Variants in LAMA2 observed in about 807,000 individuals in gnomAD.
LAMA2 encodes the protein laminin subunit alpha 2, also known as laminin subunit alpha-2.
In LAMA2, 269 loss-of-function variants were observed where a neutral mutation model predicts 364.8. The ratio of observed to expected loss-of-function variants is 0.74; its 90% CI spans 0.67 to 0.82. The LOEUF is 0.82. LAMA2 is among the 40% of genes least tolerant of loss of function. LAMA2 has a pLI of 0.00. For missense variants in LAMA2, 3,807 were observed against 3,873.2 expected (o/e 0.98, Z 0.45); for synonymous variants, 1,379 against 1,370.6 (o/e 1.01, Z -0.14).
At chr6:129,226,908 A>G (rs1784334045) in intron 12 of LAMA2, among the ~76,000 whole-genome samples, 1 of 152,264 alleles carries the variant, frequency 6.6e-6, no homozygotes, top group African/African-American at 2.4e-5. Flanking sequence ...GTTCTCCTGG[A>G]TAATATCCTG....
chr6:129,508,508 C>G (rs1786296256), intron 62 of LAMA2, among the ~76,000 whole-genome samples: 1 of 151,996 alleles, frequency 6.6e-6, no homozygotes, highest in Admixed American at 6.6e-5. Context: ...CCCTACTCCT[C>G]CCTGCCACTA....
At chr6:129,471,529 C>T (rs995399987) in intron 51 of LAMA2, among the ~76,000 whole-genome samples, 1 of 151,850 alleles carries the variant, frequency 6.6e-6, no homozygotes, top group African/African-American at 2.4e-5. Context: ...TTAAAATACC[C>T]ACCAAGTCTG....
Position 129,143,943 on chromosome 6 carries a change from C to T in LAMA2, c.682C>T (p.Pro228Ser). 2 of 1,611,382 alleles carry T rather than the reference C, an allele frequency of 1.2e-6. No homozygotes were observed. The highest frequency in any genetic ancestry group is 1.7e-6 in the Non-Finnish European group (2 of 1,178,010). ...LINGRPSADD[P>S]SPELLEFTSA... Reference sequence around the variant, plus strand: ...CAATGGGAGACCAAGTGCCGATGATCCTTCTCCAGAACTGCTAGAATTTAC... The same window carrying T: ...CAATGGGAGACCAAGTGCCGATGATTCTTCTCCAGAACTGCTAGAATTTAC... Residue 228 changes from proline to serine, a missense_variant, in exon 5 of 65, where the codon CCT becomes TCT. Physicochemically the swap from Pro to Ser is moderately conservative, Grantham distance 74 (BLOSUM62 -1). This residue lies in a region of LAMA2 where 394 missense variants were observed against 403.5 expected (regional missense o/e 0.98). Coordinates refer to ENST00000421865, the MANE Select transcript of LAMA2 (RefSeq NM_000426.4).
At chr6:128,987,245 G>A (rs1783318125) in intron 1 of LAMA2, among the ~76,000 whole-genome samples, 1 of 149,078 alleles carries the variant, frequency 6.7e-6, no homozygotes, top group Non-Finnish European at 1.5e-5. Flanking sequence ...GTTCAAGTGA[G>A]TCTTCTGCTT....
intron 1 of LAMA2, among the ~76,000 whole-genome samples, chr6:128,935,211 C>T (rs1490233658): frequency 6.6e-6 from 1 of 151,434 alleles, no homozygotes; most frequent in Non-Finnish European, 1.5e-5. Flanking sequence ...TATCCCTCCC[C>T]CAGCCCCACA....
intron 50 of LAMA2, 86 bp from the exon 51 acceptor site, chr6:129,465,059 C>A (rs925282019): frequency 2.8e-6 from 3 of 1,088,952 alleles, no homozygotes; most frequent in Admixed American, 1.7e-5. Flanking sequence ...AGCCACAAGA[C>A]CCTAACATAA....
chr6:129,191,146 A>C (rs1781502038), intron 11 of LAMA2, among the ~76,000 whole-genome samples: 1 of 152,198 alleles, frequency 6.6e-6, no homozygotes, highest in Non-Finnish European at 1.5e-5. Flanking sequence ...ATATACTAAG[A>C]ATTTGAGATA....
chr6:129,065,425 G>A (rs1789226469), intron 3 of LAMA2, among the ~76,000 whole-genome samples: 1 of 152,122 alleles, frequency 6.6e-6, no homozygotes, highest in African/African-American at 2.4e-5. Context: ...GGCAAAAAAA[G>A]AAATAAAATT....
At position 129,050,055 on chromosome 6, in the gene LAMA2, C is replaced by T. The variant is rs868019991; in HGVS notation, c.250C>T (p.Arg84Ter). Residue 84 changes from arginine (R) to a stop codon, truncating the protein, a stop_gained, in exon 2 of 65, where the codon CGA becomes TGA. Coordinates refer to ENST00000421865, the MANE Select transcript of LAMA2 (RefSeq NM_000426.4). LOFTEE classifies it high-confidence loss of function. ...PGQPVRNPQC[R>*]ICNQNSSNPN... is the part of the protein sequence containing the mutation. ...GCAGCCTGTGAGGAACCCGCAGTGT[C>T]GAATCTGCAATCAAAACAGCAGCAA... 7 of 1,613,936 alleles carry T rather than the reference C, an allele frequency of 4.3e-6. No individual in the cohort carries two copies. The South Asian group carries it at 4.4e-5, about 10-fold the overall frequency.
At chr6:129,493,706 G>A (rs542714107) in intron 58 of LAMA2, among the ~76,000 whole-genome samples, 36 of 152,184 alleles carry the variant, frequency 2.4e-4, no homozygotes, top group African/African-American at 8.4e-4. Context: ...TTCTCATAAC[G>A]GCTCTGTAAA....
In LAMA2 at chr6:129,157,613, G is replaced by T; in HGVS notation, c.1206+2930G>T. ...GTCTGGGGGCTGGATTGTGGGCCCA[G>T]CATTCTGACATTAGCTTCAAAACTG... On this transcript the variant is annotated intron_variant, in intron 8 of 64. Coordinates refer to ENST00000421865, the MANE Select transcript of LAMA2 (RefSeq NM_000426.4). 1.2e-5 allele frequency: 20 copies of T among 1,612,344 alleles called. No homozygotes were observed. The South Asian group carries it at 2.2e-4, about 18-fold the overall frequency.
chr6:129,393,355 A>G, intron 37 of LAMA2, 100 bp downstream of exon 37: 3 of 907,968 alleles, frequency 3.3e-6, no homozygotes, highest in African/African-American at 3.3e-5. Context: ...CACATTTACA[A>G]AAGTCAAGAG....
At position 129,465,219 on chromosome 6, in the gene LAMA2, C is replaced by A; in HGVS notation, c.7230C>A (p.Ser2410=). Residue 2410 remains serine (S), a synonymous_variant, in exon 51 of 65, where the codon TCC becomes TCA. Coordinates refer to ENST00000421865, the MANE Select transcript of LAMA2 (RefSeq NM_000426.4). ...ACGATCTGGGCTCAGGAATGGCTTC[C>A]GTTGTCAGCAATCAAAACCATAATG... ...VSYDLGSGMA[S]VVSNQNHNDG... 1 of 1,611,112 alleles carries A rather than the reference C, an allele frequency of 6.2e-7. No individual in the cohort carries two copies. The highest frequency in any genetic ancestry group is 8.5e-7 in the Non-Finnish European group (1 of 1,177,918).
chr6:129,120,174 T>C (rs561005390), intron 4 of LAMA2, among the ~76,000 whole-genome samples: 4 of 152,310 alleles, frequency 2.6e-5, no homozygotes, highest in African/African-American at 9.6e-5. Flanking sequence ...ATTTTGGTGA[T>C]TGTAAAAATA....
chr6:129,244,362 T>C (rs1325745988), intron 12 of LAMA2, among the ~76,000 whole-genome samples: 2 of 152,098 alleles, frequency 1.3e-5, no homozygotes, highest in African/African-American at 4.8e-5. Context: ...AACACTTCTA[T>C]GGGAGGGATA....
chr6:129,091,004 A>G (rs1387815911), intron 3 of LAMA2, among the ~76,000 whole-genome samples: 1 of 152,132 alleles, frequency 6.6e-6, no homozygotes, highest in Non-Finnish European at 1.5e-5. Flanking sequence ...TTGCTCTTCC[A>G]TCTCAGGGTT....
At chr6:129,023,382 C>T (rs975823192) in intron 1 of LAMA2, among the ~76,000 whole-genome samples, 23 of 152,026 alleles carry the variant, frequency 1.5e-4, no homozygotes, top group African/African-American at 4.8e-4. Context: ...CCTTACATAC[C>T]AATGTTCTGA....
chr6:129,476,124 C>T (rs764950490), intron 53 of LAMA2, among the ~76,000 whole-genome samples: 6 of 152,260 alleles, frequency 3.9e-5, no homozygotes, highest in African/African-American at 7.2e-5. Flanking sequence ...GCTGAACAAA[C>T]CTCAGAGATG....
At chr6:128,944,346 A>T (rs1780361975) in intron 1 of LAMA2, among the ~76,000 whole-genome samples, 1 of 152,232 alleles carries the variant, frequency 6.6e-6, no homozygotes, top group African/African-American at 2.4e-5. Flanking sequence ...AATAAGAAAG[A>T]TGATAGGCCT....
Sources: gnomAD v4.1 joint callset for allele counts (sites outside exome capture counted in the v4.1 genomes callset) on GRCh38, gnomAD v4.1.1 for gene constraint, gnomAD v4.1.1 regional missense constraint, MANE v1.5 for transcripts, NCBI Gene and HGNC (gene_info 2026-07-23, HGNC 2026-07-21) for gene names.